CUX2: variants seen among roughly 807,000 people sequenced by gnomAD.
CUX2 encodes the protein homeobox protein cut-like 2.
A neutral mutation model predicts 144.8 loss-of-function variants in CUX2; 40 were observed. The ratio of observed to expected loss-of-function variants is 0.28; its 90% CI spans 0.21 to 0.36. The LOEUF (loss-of-function observed/expected upper bound fraction) is 0.36, where lower values mean the gene tolerates loss of function less well. CUX2 is among the 10% of genes least tolerant of loss of function. CUX2 has a pLI of 1.00. For missense variants in CUX2, 1,615 were observed against 1,994.0 expected (o/e 0.81, Z 3.62); for synonymous variants, 827 against 875.6 (o/e 0.94, Z 0.98).
intron 18 of CUX2, among the ~76,000 whole-genome samples, chr12:111,326,306 GT>G (rs1887806670): frequency 2.0e-5 from 1 of 49,010 alleles, no homozygotes. Flanking sequence ...TGTTTATAGT[GT>G]TGTGGTGGGG....
chr12:111,254,475 C>T (rs1042470171), intron 3 of CUX2, among the ~76,000 whole-genome samples: 3 of 152,192 alleles, frequency 2.0e-5, no homozygotes, highest in Non-Finnish European at 2.9e-5. Flanking sequence ...CCTCAGAGCT[C>T]AAGCTCTGAA....
intron 3 of CUX2, among the ~76,000 whole-genome samples, chr12:111,232,212 A>AAT (rs10534011): frequency 1.6e-4 from 24 of 148,520 alleles, no homozygotes; most frequent in South Asian, 2.1e-4. Flanking sequence ...CTGAAAAAAA[A>AAT]ATATATATAT....
Position 111,347,646 on chromosome 12 carries a change from C to G in CUX2, c.3782C>G (p.Pro1261Arg), listed in dbSNP as rs1458468200. The change falls in exon 22 of 22, where the codon CCT (proline) becomes CGT (arginine). Residue 1261 changes from proline to arginine, a missense_variant. Transcript: ENST00000261726. ...CACCCAGACCCCACCCCGCAGAGCC[C>G]TGACTCTGAGACTGAGGACCAGAAG... ...HSHPDPTPQSPDSETEDQKPT... is the reference protein window; with the variant it reads ...HSHPDPTPQSRDSETEDQKPT... 1 of 1,613,718 alleles carries G rather than the reference C, an allele frequency of 6.2e-7. No individual in the cohort carries two copies. Among genetic ancestry groups the G allele is most frequent in the African/African-American group, 1.3e-5 (1 of 74,848 alleles).
At position 111,100,335 on chromosome 12, in the gene CUX2, G is replaced by A. The variant is rs544106815; in HGVS notation, c.63+66095G>A. 3.3e-5 allele frequency among the ~76,000 whole-genome samples: 5 copies of A among 152,180 alleles called. No individual in the cohort carries two copies. In the South Asian group the frequency reaches 6.2e-4, roughly 19 times the overall value. On this transcript the variant is annotated intron_variant, in intron 1 of 21. Transcript: ENST00000261726. ...GTCTTTCTCTGCGTGTGTGGTGGCC[G>A]CGAGAGCCGTCCATGCATGAGATTG...
At chr12:111,163,844 A>T (rs527573628) in intron 1 of CUX2, among the ~76,000 whole-genome samples, 2 of 152,242 alleles carry the variant, frequency 1.3e-5, no homozygotes, top group African/African-American at 2.4e-5. Context: ...CCAGGGGTCA[A>T]GTTACCCAGG....
intron 19 of CUX2, among the ~76,000 whole-genome samples, chr12:111,335,994 C>T (rs1393780452): frequency 6.6e-6 from 1 of 152,136 alleles, no homozygotes; most frequent in African/African-American, 2.4e-5. Flanking sequence ...CATCCAGGAC[C>T]CTGTGTGAGG....
At chr12:111,187,426 C>A (rs1229188474) in intron 1 of CUX2, among the ~76,000 whole-genome samples, 5 of 152,178 alleles carry the variant, frequency 3.3e-5, no homozygotes, top group East Asian at 3.9e-4. Flanking sequence ...CTGGCCCCCC[C>A]ACTGCTCTGT....
chr12:111,248,942 T>G (rs928180081), intron 3 of CUX2, among the ~76,000 whole-genome samples: 1 of 152,258 alleles, frequency 6.6e-6, no homozygotes, highest in African/African-American at 2.4e-5. Flanking sequence ...GCGCAAATCT[T>G]AAGTGTATAA....
chr12:111,045,757 A>G (rs1566187443), intron 1 of CUX2, among the ~76,000 whole-genome samples: 4 of 151,676 alleles, frequency 2.6e-5, no homozygotes, highest in Admixed American at 2.0e-4. Flanking sequence ...GCTTTCGGCA[A>G]CTCCCCAGTT....
At chr12:111,215,283 C>T (rs1274316223) in intron 2 of CUX2, among the ~76,000 whole-genome samples, 2 of 152,052 alleles carry the variant, frequency 1.3e-5, no homozygotes, top group Admixed American at 1.3e-4. Flanking sequence ...GTTGCCATCT[C>T]GCTGGTCAGG....
intron 20 of CUX2, among the ~76,000 whole-genome samples, chr12:111,341,285 C>A (rs1440912437): frequency 6.6e-6 from 1 of 151,888 alleles, no homozygotes; most frequent in Non-Finnish European, 1.5e-5. Flanking sequence ...CAGAGAGAGA[C>A]CCCATCTCTA....
chr12:111,209,662 C>T (rs1010967161), intron 1 of CUX2, among the ~76,000 whole-genome samples: 4 of 152,068 alleles, frequency 2.6e-5, no homozygotes, highest in African/African-American at 9.7e-5. Flanking sequence ...TTCAGCACAC[C>T]AATGGCAAAC....
At chr12:111,275,102 C>G (rs574839415) in intron 4 of CUX2, among the ~76,000 whole-genome samples, 1 of 152,316 alleles carries the variant, frequency 6.6e-6, no homozygotes, top group South Asian at 2.1e-4. Flanking sequence ...TGACTGTGTT[C>G]TCTATGGGTT....
chr12:111,228,856 G>T (rs73197977), intron 3 of CUX2, among the ~76,000 whole-genome samples: 9,811 of 152,038 alleles, frequency 0.065, 334 homozygotes, highest in South Asian at 0.11. Context: ...TTTTTTCTGT[G>T]CCTTGATGTC....
intron 1 of CUX2, among the ~76,000 whole-genome samples, chr12:111,127,924 A>G (rs1249284852): frequency 6.6e-6 from 1 of 152,168 alleles, no homozygotes; most frequent in Non-Finnish European, 1.5e-5. Context: ...AGTATGGGGG[A>G]AACTGCCCTC....
At chr12:111,167,039 T>G (rs1878192109) in intron 1 of CUX2, among the ~76,000 whole-genome samples, 1 of 152,146 alleles carries the variant, frequency 6.6e-6, no homozygotes, top group South Asian at 2.1e-4. Flanking sequence ...GCCAGTCTCC[T>G]AGACAGGCTG....
At chr12:111,260,751 G>A (rs1466790253) in intron 3 of CUX2, among the ~76,000 whole-genome samples, 2 of 152,158 alleles carry the variant, frequency 1.3e-5, no homozygotes, top group African/African-American at 2.4e-5. Context: ...AAAGTAGGGG[G>A]TGCTCTAGGC....
chr12:111,055,088 A>G (rs1870456842), intron 1 of CUX2, among the ~76,000 whole-genome samples: 1 of 152,252 alleles, frequency 6.6e-6, no homozygotes, highest in Non-Finnish European at 1.5e-5. Flanking sequence ...TATGCAAAGC[A>G]GAGACTGTGT....
intron 3 of CUX2, among the ~76,000 whole-genome samples, chr12:111,218,448 T>G (rs1313459478): frequency 1.3e-5 from 2 of 152,084 alleles, no homozygotes. Flanking sequence ...CCCGGCAAGT[T>G]GAGGCTGCAG....
Sources: gnomAD v4.1 joint callset for allele counts (sites outside exome capture counted in the v4.1 genomes callset) on GRCh38, gnomAD v4.1.1 for gene constraint, MANE v1.5 for transcripts, NCBI Gene and HGNC (gene_info 2026-07-23, HGNC 2026-07-21) for gene names.